The following GTF2I variants were observed in gnomAD, a reference collection of about 807,000 sequenced individuals.
The protein encoded by GTF2I is general transcription factor IIi.
In GTF2I, 12 loss-of-function variants were observed where a neutral mutation model predicts 67.6. That is an observed-to-expected ratio of 0.18 (90% CI 0.11 to 0.29). The LOEUF is 0.29. Among genes scored for constraint, GTF2I ranks in the 10% least tolerant of loss-of-function variants. The probability of loss-of-function intolerance (pLI) is 1.00; values close to 1 mark genes in which losing one functional copy is unlikely to be tolerated. For synonymous variants in GTF2I, 149 were observed against 197.0 expected (o/e 0.76, Z 2.04); for missense variants, 271 against 580.1 (o/e 0.47, Z 5.47).
intron 2 of GTF2I, among the ~76,000 whole-genome samples, chr7:74,689,996 C>T (rs1268078192): frequency 6.6e-6 from 1 of 151,902 alleles, no homozygotes; most frequent in Non-Finnish European, 1.5e-5. Flanking sequence ...GGATTATAGG[C>T]TGAGGTCAGG....
In GTF2I at chr7:74,716,886, C is replaced by G. The variant is rs587618875; in HGVS notation, c.824-8C>G. 34 of 1,588,680 alleles carry G rather than the reference C, an allele frequency of 2.1e-5. No individual in the cohort carries two copies. The East Asian group carries it at 6.7e-4, about 31-fold the overall frequency. ...TGGTTTATTATATGTTGTTTATTTT[C>G]TTTTTAGGAAGCCACCATTCTTCAG... is the stretch of plus-strand genomic sequence containing the variant. On this transcript the variant is annotated splice_polypyrimidine_tract_variant and splice_region_variant and intron_variant, in intron 10 of 34. Transcript: ENST00000573035.
chr7:74,717,085 GTTA>G (rs1792355468), intron 11 of GTF2I, 135 bp downstream of exon 11: 1 of 1,290,754 alleles, frequency 7.7e-7, no homozygotes, highest in African/African-American at 1.5e-5. Flanking sequence ...TAGCCAACAG[GTTA>G]TTATTTTTTT....
chr7:74,701,364 G>A (rs991432631), intron 6 of GTF2I, among the ~76,000 whole-genome samples: 1 of 152,046 alleles, frequency 6.6e-6, no homozygotes, highest in Non-Finnish European at 1.5e-5. Context: ...CATACACATT[G>A]TGTTTTCTGT....
At position 74,666,846 on chromosome 7, in the gene GTF2I, G is replaced by A. The variant is rs1562934736; in HGVS notation, c.-6+8778G>A. ...AAAAAAAAAATTAGCCAGGCGTGAT[G>A]GCGGGTGCCTGTAGTCCCAGCTACT... On this transcript the variant is annotated intron_variant, in intron 1 of 34. Transcript: ENST00000573035. Among the ~76,000 whole-genome samples the A allele has an allele frequency of 4.6e-5, 7 of 151,936 alleles. 1 individual carries two copies. The South Asian group carries it at 1.5e-3, about 32-fold the overall frequency.
chr7:74,721,241 A>G (rs1389196093), intron 12 of GTF2I, among the ~76,000 whole-genome samples: 1 of 152,178 alleles, frequency 6.6e-6, no homozygotes, highest in Admixed American at 6.5e-5. Flanking sequence ...GGGTTTCTCC[A>G]TCTTGGTCAG....
At chr7:74,750,078 A>G (rs1431236304) in intron 26 of GTF2I, among the ~76,000 whole-genome samples, 1 of 110,776 alleles carries the variant, frequency 9.0e-6, no homozygotes, top group Non-Finnish European at 1.9e-5. Flanking sequence ...TATTTCTCCA[A>G]CTTAATAGAA....
intron 1 of GTF2I, among the ~76,000 whole-genome samples, chr7:74,665,003 G>A (rs994958272): frequency 5.3e-5 from 8 of 149,810 alleles, no homozygotes; most frequent in South Asian, 2.1e-4. Flanking sequence ...GTGTAGTGGC[G>A]CGCCTGGCTC....
chr7:74,707,251 C>T (rs587711205), intron 8 of GTF2I, among the ~76,000 whole-genome samples: 21 of 152,354 alleles, frequency 1.4e-4, no homozygotes, highest in African/African-American at 4.3e-4. Context: ...GTCCTAGTGC[C>T]ACTGTCAAGC....
chr7:74,688,711 C>A (rs892793282), intron 1 of GTF2I, among the ~76,000 whole-genome samples: 1 of 152,170 alleles, frequency 6.6e-6, no homozygotes, highest in Non-Finnish European at 1.5e-5. Flanking sequence ...CTCCACTCAG[C>A]CTCAGTCCAC....
chr7:74,693,857 A>AT (rs1448282495), intron 3 of GTF2I, among the ~76,000 whole-genome samples: 13 of 152,124 alleles, frequency 8.5e-5, no homozygotes, highest in Admixed American at 2.0e-4. Context: ...CGAAAAAAAA[A>AT]GGAAATTAGG....
chr7:74,666,179 T>C (rs587722273), intron 1 of GTF2I, among the ~76,000 whole-genome samples: 6 of 152,326 alleles, frequency 3.9e-5, no homozygotes, highest in African/African-American at 1.4e-4. Context: ...CCTGAGAATG[T>C]ATGCTTTATA....
intron 8 of GTF2I, among the ~76,000 whole-genome samples, chr7:74,710,172 A>G (rs1272958005): frequency 1.3e-5 from 2 of 152,166 alleles, no homozygotes; most frequent in African/African-American, 4.8e-5. Flanking sequence ...TTGTATATCA[A>G]TTTAACTCTC....
At chr7:74,685,282 G>T (rs1787610815) in intron 1 of GTF2I, among the ~76,000 whole-genome samples, 1 of 152,188 alleles carries the variant, frequency 6.6e-6, no homozygotes, top group Non-Finnish European at 1.5e-5. Context: ...GATTACTTGA[G>T]GTCACGAGTT....
intron 14 of GTF2I, among the ~76,000 whole-genome samples, chr7:74,730,713 CTTTTT>C (rs869183139): frequency 3.1e-5 from 2 of 63,916 alleles, no homozygotes; most frequent in Admixed American, 2.5e-4. Context: ...CTACTTTTAT[CTTTTT>C]TTTTTTTTTT....
chr7:74,677,865 A>G (rs587638910), intron 1 of GTF2I, among the ~76,000 whole-genome samples: 1 of 152,144 alleles, frequency 6.6e-6, no homozygotes, highest in African/African-American at 2.4e-5. Context: ...CAAAGAATGA[A>G]GACAGCTGGA....
At chr7:74,662,511 CTTTTTTTTTTTTTTT>C (rs1161320476) in intron 1 of GTF2I, among the ~76,000 whole-genome samples, 31 of 50,200 alleles carry the variant, frequency 6.2e-4, no homozygotes, top group African/African-American at 8.3e-4. Context: ...CACCTGGACC[CTTTTTTTTTTTTTTT>C]TTTTTTTTTT....
chr7:74,667,640 C>G (rs782227746), intron 1 of GTF2I, among the ~76,000 whole-genome samples: 1 of 151,706 alleles, frequency 6.6e-6, no homozygotes, highest in Non-Finnish European at 1.5e-5. Flanking sequence ...CTCAGTCTCC[C>G]GAGTAGCTGG....
intron 3 of GTF2I, among the ~76,000 whole-genome samples, chr7:74,698,309 C>T (rs1160282416): frequency 1.3e-5 from 2 of 151,050 alleles, no homozygotes; most frequent in Non-Finnish European, 2.9e-5. Context: ...CCAGGACGCT[C>T]TCAATCTCTT....
chr7:74,660,323 C>A (rs1369888369), intron 1 of GTF2I, among the ~76,000 whole-genome samples: 3 of 151,306 alleles, frequency 2.0e-5, no homozygotes, highest in Non-Finnish European at 4.4e-5. Context: ...CCCCGAGTAG[C>A]TGGGATTACA....
Sources: gnomAD v4.1 joint callset for allele counts (sites outside exome capture counted in the v4.1 genomes callset) on GRCh38, gnomAD v4.1.1 for gene constraint, MANE v1.5 for transcripts, NCBI Gene and HGNC (gene_info 2026-07-23, HGNC 2026-07-21) for gene names.